The following DYM variants were observed in gnomAD, a reference collection of about 807,000 sequenced individuals.
DYM encodes dyggve-Melchior-Clausen syndrome protein.
A neutral mutation model predicts 93.1 loss-of-function variants in DYM; 78 were observed. The observed-to-expected ratio is 0.84, with a 90% confidence interval of 0.70 to 1.01. The LOEUF is 1.01. DYM is among the 50% of genes least tolerant of loss of function. The probability of loss-of-function intolerance (pLI) is 0.00; values close to 1 mark genes in which losing one functional copy is unlikely to be tolerated. For synonymous variants in DYM, 321 were observed against 319.7 expected (o/e 1.00, Z -0.04); for missense variants, 789 against 845.0 (o/e 0.93, Z 0.82).
intron 17 of DYM, among the ~76,000 whole-genome samples, chr18:49,081,424 G>A (rs1361583346): frequency 6.6e-6 from 1 of 152,040 alleles, no homozygotes; most frequent in Non-Finnish European, 1.5e-5. Flanking sequence ...GAATCAGGCA[G>A]GGAGGTCGCC....
intron 14 of DYM, 115 bp downstream of exon 14, chr18:49,209,436 T>A: frequency 1.4e-6 from 1 of 733,856 alleles, no homozygotes; most frequent in Non-Finnish European, 1.8e-6. Flanking sequence ...TAGTACCATT[T>A]CAAATATAAA....
At chr18:49,438,846 G>A (rs952668078) in intron 1 of DYM, among the ~76,000 whole-genome samples, 3 of 152,206 alleles carry the variant, frequency 2.0e-5, no homozygotes, top group Admixed American at 1.3e-4. Context: ...CATCTCTTCT[G>A]CAATGATTCC....
At chr18:49,410,552 A>G (rs767846531) in intron 2 of DYM, among the ~76,000 whole-genome samples, 1 of 151,904 alleles carries the variant, frequency 6.6e-6, no homozygotes, top group Non-Finnish European at 1.5e-5. Context: ...CATTTAGCAG[A>G]CTTCACTGAT....
rs367674184 is a variant in DYM at position 49,236,908 on chromosome 18, G to A, written c.1460+20102C>T. Among the ~76,000 whole-genome samples, 28 of 152,306 alleles carry A rather than the reference G, an allele frequency of 1.8e-4. No individual in the cohort carries two copies. The South Asian group carries it at 5.0e-3, about 27-fold the overall frequency. On this transcript the variant is annotated intron_variant, in intron 13 of 17. Coordinates refer to ENST00000675505, the MANE Select transcript of DYM (RefSeq NM_001353214.3). ...GGTCCCTCATCTTGAACTTGCTCCT[G>A]CTAGACTTTCAGTCTTTTTCCTTGT... is the stretch of plus-strand genomic sequence containing the variant.
In DYM at chr18:49,265,142, C is replaced by T. The variant is rs549089053; in HGVS notation, c.1252-6649G>A. Among the ~76,000 whole-genome samples, 3 of 152,184 alleles carry T rather than the reference C, an allele frequency of 2.0e-5. No homozygotes were observed. The East Asian group carries it at 5.8e-4, about 29-fold the overall frequency. On this transcript the variant is annotated intron_variant, in intron 11 of 17. Coordinates refer to ENST00000675505, the MANE Select transcript of DYM (RefSeq NM_001353214.3). ...ATGTGCTATAAATCGCAGGCTGTCCCATGGTAACATGTGGTAAAAAAAATG... is the reference window on the plus strand; with the variant it reads ...ATGTGCTATAAATCGCAGGCTGTCCTATGGTAACATGTGGTAAAAAAAATG...
At chr18:49,378,734 T>G (rs746426277) in intron 4 of DYM, 34 bp from the exon 5 acceptor site, 2 of 1,607,794 alleles carry the variant, frequency 1.2e-6, no homozygotes, top group Non-Finnish European at 1.7e-6. Context: ...GAATCAATAT[T>G]TAAACATAAG....
At chr18:49,295,025 T>C (rs1409951230) in intron 8 of DYM, among the ~76,000 whole-genome samples, 1 of 152,078 alleles carries the variant, frequency 6.6e-6, no homozygotes, top group Non-Finnish European at 1.5e-5. Context: ...TCAGGTCCCA[T>C]GCTAGGAACC....
intron 13 of DYM, among the ~76,000 whole-genome samples, chr18:49,214,939 C>A (rs923187626): frequency 3.3e-5 from 5 of 152,174 alleles, no homozygotes; most frequent in East Asian, 3.9e-4. Flanking sequence ...AGGAGGTCAT[C>A]ATGTGCAAGA....
rs999998972 is a variant in DYM, at chr18:49,460,477, A to AGTCGCT, written c.-139_-134dup. ...GGAGGGTGGCAGAGGGGTCAGGAGA[A>AGTCGCT]GTCGCTGTCGCCGCCGCAGCCCAGG... is the stretch of plus-strand genomic sequence containing the variant. On this transcript the variant is annotated 5_prime_UTR_variant, in exon 1 of 18. Transcript: ENST00000675505. The AGTCGCT allele has an allele frequency of 6.6e-6, 1 of 152,504 alleles. No individual in the cohort carries two copies. The highest frequency in any genetic ancestry group is 2.4e-5 in the African/African-American group (1 of 41,412). 9.4% of individuals were successfully genotyped at this position (152,504 alleles called of 1,614,324 possible).
intron 14 of DYM, among the ~76,000 whole-genome samples, chr18:49,194,751 T>C (rs2032251): frequency 2.6e-5 from 4 of 151,670 alleles, no homozygotes; most frequent in Non-Finnish European, 5.9e-5. Context: ...CACAAAAAAA[T>C]ATTTTAAAAA....
intron 8 of DYM, among the ~76,000 whole-genome samples, chr18:49,299,843 A>G (rs1232407797): frequency 6.6e-6 from 1 of 151,798 alleles, no homozygotes; most frequent in Non-Finnish European, 1.5e-5. Flanking sequence ...GGAGATCAAC[A>G]CCATCCTGGC....
intron 13 of DYM, among the ~76,000 whole-genome samples, chr18:49,218,279 G>C (rs7234432): frequency 0.59 from 89,354 of 151,430 alleles, 28,704 homozygotes; most frequent in Non-Finnish European, 0.74. Context: ...CCTACAAAGA[G>C]ACTTAGACTC....
At chr18:49,160,817 T>G (rs1277386434) in intron 15 of DYM, among the ~76,000 whole-genome samples, 1 of 152,192 alleles carries the variant, frequency 6.6e-6, no homozygotes, top group African/African-American at 2.4e-5. Context: ...TGTAAATCAC[T>G]TATACAACAG....
At position 49,257,106 on chromosome 18, in the gene DYM, T is replaced by C; in HGVS notation, c.1366-2A>G. 5 of 1,612,464 alleles carry C rather than the reference T, an allele frequency of 3.1e-6. No individual in the cohort carries two copies. Among genetic ancestry groups the C allele is most frequent in the Non-Finnish European group, 4.2e-6 (5 of 1,178,510 alleles). On this transcript the variant is annotated splice_acceptor_variant, in intron 12 of 17. Transcript: ENST00000675505. LOFTEE classifies it high-confidence loss of function. ...ACAATTTGTGTGAAGGTACTTGTCC[T>C]GTGAGGAAACAGCGGGTGTAAAACA... is the stretch of plus-strand genomic sequence containing the variant.
intron 14 of DYM, among the ~76,000 whole-genome samples, chr18:49,165,886 C>A (rs2087800413): frequency 6.6e-6 from 1 of 152,092 alleles, no homozygotes; most frequent in Admixed American, 6.6e-5. Flanking sequence ...AAAGAGTTAT[C>A]TGTGCAAGAG....
chr18:49,052,765 G>A (rs1743625758), intron 17 of DYM, among the ~76,000 whole-genome samples: 1 of 152,216 alleles, frequency 6.6e-6, no homozygotes, highest in African/African-American at 2.4e-5. Context: ...GCTCTAGCTA[G>A]TGACTCTCAG....
intron 15 of DYM, among the ~76,000 whole-genome samples, chr18:49,155,593 A>T (rs1282901442): frequency 6.6e-6 from 1 of 152,170 alleles, no homozygotes; most frequent in African/African-American, 2.4e-5. Flanking sequence ...CCTCTATAAG[A>T]TTTGCCTATT....
At chr18:49,300,277 G>A (rs992804297) in intron 8 of DYM, among the ~76,000 whole-genome samples, 1 of 151,450 alleles carries the variant, frequency 6.6e-6, no homozygotes, top group African/African-American at 2.4e-5. Flanking sequence ...TAACCAAAAA[G>A]AATCAATTTG....
chr18:49,092,079 G>A (rs1364769954), intron 17 of DYM, among the ~76,000 whole-genome samples: 1 of 152,138 alleles, frequency 6.6e-6, no homozygotes, highest in Non-Finnish European at 1.5e-5. Context: ...TTTCATTTCA[G>A]TTGTATATAA....
Sources: allele counts gnomAD v4.1 joint callset (sites outside exome capture counted in the v4.1 genomes callset), GRCh38; gene constraint gnomAD v4.1.1; transcripts MANE v1.5; gene names NCBI Gene and HGNC (gene_info 2026-07-23, HGNC 2026-07-21).